Variants in NPHS2 observed in about 807,000 individuals in gnomAD.
NPHS2 encodes the protein podocin.
NPHS2 carries 36 observed loss-of-function variants against 37.1 expected under a neutral mutation model. That is an observed-to-expected ratio of 0.97 (90% CI 0.74 to 1.28). NPHS2 has a LOEUF of 1.28. Ranked by LOEUF, NPHS2 falls within the 50% of genes most tolerant of loss-of-function variation. NPHS2 has a pLI of 0.00. For synonymous variants in NPHS2, 196 were observed against 189.3 expected (o/e 1.04, Z -0.29); for missense variants, 447 against 488.1 (o/e 0.92, Z 0.79).
At chr1:179,567,051 C>CT (rs1558350485) in intron 1 of NPHS2, among the ~76,000 whole-genome samples, 1 of 152,046 alleles carries the variant, frequency 6.6e-6, no homozygotes, top group Admixed American at 6.6e-5. Flanking sequence ...AATGTGGGCT[C>CT]TTTTTTTGGT....
In NPHS2 at chr1:179,557,166, G is replaced by A. The variant is rs542500942; in HGVS notation, c.599C>T (p.Ala200Val). Residue 200 changes from alanine (A) to valine (V), a missense_variant, in exon 5 of 8, where the codon GCC becomes GTC. Transcript: ENST00000367615. The stretch of plus-strand genomic sequence containing the variant: ...AGCAAGACTGCTTAGGAGAAGAGAG[G>A]CATTTTCCATTCGGTAGTAGCAAAT... ...DAICYYRMEN[A>V]SLLLSSLAHV... The A allele has an allele frequency of 6.8e-6, 11 of 1,614,002 alleles. No individual in the cohort carries two copies. In the South Asian group the frequency reaches 1.1e-4, roughly 16 times the overall value.
chr1:179,566,308 C>T (rs1171360368), intron 1 of NPHS2, among the ~76,000 whole-genome samples: 1 of 152,256 alleles, frequency 6.6e-6, no homozygotes, highest in Non-Finnish European at 1.5e-5. Context: ...TTGCATTTCT[C>T]TGATGACCAG....
chr1:179,569,562 A>G (rs192068794), intron 1 of NPHS2, among the ~76,000 whole-genome samples: 2 of 152,206 alleles, frequency 1.3e-5, no homozygotes, highest in East Asian at 3.9e-4. Context: ...ATATTGTTAT[A>G]TGTGAATTTG....
Position 179,554,484 on chromosome 1 carries a change from T to A in NPHS2, c.786A>T (p.Arg262Ser). Residue 262 changes from arginine to serine, a missense_variant, in exon 6 of 8, where the codon AGA (arginine) becomes AGT (serine). Transcript: ENST00000367615. Reference sequence around the variant, plus strand: ...GTTAATTTCCTACCCACATTTCTATTCTCTCCACTTTGATTCCCCAAATAC... The same window carrying A: ...GTTAATTTCCTACCCACATTTCTATACTCTCCACTTTGATTCCCCAAATAC... ...VTCIWGIKVE[R>S]IEIKDVRLPA... 1 of 1,614,150 alleles carries A rather than the reference T, an allele frequency of 6.2e-7. No homozygotes were observed. The highest frequency in any genetic ancestry group is 8.5e-7 in the Non-Finnish European group (1 of 1,180,018).
chr1:179,575,814 G>A lies in NPHS2; in HGVS notation c.51C>T (p.Gly17=), dbSNP rs1674746831. The A allele has an allele frequency of 1.4e-6, 2 of 1,460,728 alleles. No individual in the cohort carries two copies. Among genetic ancestry groups the A allele is most frequent in the East Asian group, 2.7e-5 (1 of 37,484 alleles). The allele number at this position is 1,460,728 out of a possible 1,614,324, so 90.5% of individuals were successfully genotyped here. ...TCTTGTTCTCCTTGTGCGGAGTCCT[G>A]CCGCCTCGCCCGCGGGACTCCCTGG... ...SSSRESRGRG[G]RTPHKENKRA... is the part of the protein sequence containing the mutation. The change falls in exon 1 of 8, where the codon GGC becomes GGT. Residue 17 remains glycine (G), a synonymous_variant. Coordinates refer to ENST00000367615, the MANE Select transcript of NPHS2 (RefSeq NM_014625.4).
At chr1:179,571,400 C>T (rs980038909) in intron 1 of NPHS2, among the ~76,000 whole-genome samples, 1 of 152,206 alleles carries the variant, frequency 6.6e-6, no homozygotes, top group African/African-American at 2.4e-5. Flanking sequence ...GCGGAGGCTG[C>T]AGAACAGCAA....
At chr1:179,561,433 T>C (rs1674134571) in intron 2 of NPHS2, 72 bp from the exon 3 acceptor site, 1 of 1,144,412 alleles carries the variant, frequency 8.7e-7, no homozygotes, top group Non-Finnish European at 1.3e-6. Context: ...GGCATAAGAA[T>C]GATCCTAGAT....
At chr1:179,572,606 A>T (rs12021876) in intron 1 of NPHS2, among the ~76,000 whole-genome samples, 18,227 of 152,220 alleles carry the variant, frequency 0.12, 1,281 homozygotes, top group African/African-American at 0.17. Flanking sequence ...TTTAAATGTA[A>T]GAGTTATGAA....
chr1:179,559,530 G>A, intron 4 of NPHS2, 149 bp downstream of exon 4: 1 of 621,940 alleles, frequency 1.6e-6, no homozygotes, highest in Non-Finnish European at 3.0e-6. Flanking sequence ...TCTGTTAATT[G>A]TGTCCTTTGA....
chr1:179,554,598 G>T, intron 5 of NPHS2, 67 bp from the exon 6 acceptor site: 2 of 1,604,992 alleles, frequency 1.2e-6, no homozygotes, highest in Non-Finnish European at 1.7e-6. Context: ...CCTAAACCCT[G>T]GTGGCCATTG....
In NPHS2 at chr1:179,561,339, A is replaced by C; in HGVS notation, c.401T>G (p.Val134Gly). 2 of 1,611,000 alleles carry C rather than the reference A, an allele frequency of 1.2e-6. No homozygotes were observed. The highest frequency in any genetic ancestry group is 1.7e-6 in the Non-Finnish European group (2 of 1,177,340). The change falls in exon 3 of 8, where the codon GTA (valine) becomes GGA (glycine). Residue 134 changes from valine to glycine, a missense_variant. Val to Gly is a moderately radical substitution (Grantham distance 109). Transcript: ENST00000367615. ...CVKVVQEYERVIIFRLGHLLP... is the reference protein window; with the variant it reads ...CVKVVQEYERGIIFRLGHLLP... ...CAGATGTCCCAGTCGGAATATAATT[A>C]CTCTTTCATACTCTTGTACAACCTA...
In NPHS2 at chr1:179,575,822, GC is replaced by G; in HGVS notation, c.42del (p.Arg15GlufsTer84). On this transcript the variant is annotated frameshift_variant, in exon 1 of 8. Transcript: ENST00000367615. LOFTEE classifies it high-confidence loss of function. Reference sequence around the variant, plus strand: ...TCCTTGTGCGGAGTCCTGCCGCCTCGCCCGCGGGACTCCCTGGAGGAGCTCC... The same window carrying G: ...TCCTTGTGCGGAGTCCTGCCGCCTCGCCGCGGGACTCCCTGGAGGAGCTCC... Reference protein sequence around the residue: ...RARSSSRESRGRGGRTPHKEN... With the variant: ...RARSSSRESRXRGGRTPHKEN... 6.9e-7 allele frequency: 1 copy of G among 1,458,246 alleles called. No individual in the cohort carries two copies. 90.3% of individuals were successfully genotyped at this position (1,458,246 alleles called of 1,614,324 possible).
intron 5 of NPHS2, 28 bp from the exon 6 acceptor site, chr1:179,554,559 T>G: frequency 6.2e-7 from 1 of 1,614,124 alleles, no homozygotes; most frequent in Non-Finnish European, 8.5e-7. Flanking sequence ...CAGATGTCAG[T>G]GGGAGCCTCC....
chr1:179,563,155 A>C (rs946583567), intron 2 of NPHS2, among the ~76,000 whole-genome samples: 1 of 152,248 alleles, frequency 6.6e-6, no homozygotes, highest in Non-Finnish European at 1.5e-5. Context: ...CAGTAACTAA[A>C]GTAGAGCGGG....
At chr1:179,564,608 A>G in intron 2 of NPHS2, 82 bp downstream of exon 2, 1 of 1,173,776 alleles carries the variant, frequency 8.5e-7, no homozygotes, top group South Asian at 1.2e-5. Context: ...AACATGTACC[A>G]GAAAACAGAA....
intron 2 of NPHS2, among the ~76,000 whole-genome samples, 178 bp downstream of exon 2, chr1:179,564,512 T>C (rs1042539432): frequency 6.6e-6 from 1 of 152,194 alleles, no homozygotes; most frequent in Non-Finnish European, 1.5e-5. Context: ...CAAGGAAGGC[T>C]TCCTGTTCAC....
In NPHS2 at chr1:179,554,489, C is replaced by A. The variant is rs1673787968; in HGVS notation, c.781G>T (p.Glu261Ter). 6.2e-7 allele frequency: 1 copy of A among 1,614,016 alleles called. No individual in the cohort carries two copies. The highest frequency in any genetic ancestry group is 1.3e-5 in the African/African-American group (1 of 74,922). Residue 261 changes from glutamate (E) to a stop codon, truncating the protein, a stop_gained, in exon 6 of 8, where the codon GAG becomes TAG. Transcript: ENST00000367615. LOFTEE classifies it high-confidence loss of function. ...SVTCIWGIKV[E>*]RIEIKDVRLP... The stretch of plus-strand genomic sequence containing the variant: ...TTTCCTACCCACATTTCTATTCTCT[C>A]CACTTTGATTCCCCAAATACAGGTC...
At chr1:179,554,668 T>C (rs765830407) in intron 5 of NPHS2, 137 bp from the exon 6 acceptor site, 118 of 1,189,716 alleles carry the variant, frequency 9.9e-5, no homozygotes, top group Non-Finnish European at 1.4e-4. Flanking sequence ...TGTATTTAAC[T>C]TCACAGTGCC....
At chr1:179,559,225 G>C (rs1049537070) in intron 4 of NPHS2, among the ~76,000 whole-genome samples, 6 of 152,054 alleles carry the variant, frequency 3.9e-5, no homozygotes, top group African/African-American at 7.2e-5. Context: ...CCCACATTAG[G>C]GGAGGGTAAT....
Sources: gnomAD v4.1 joint callset for allele counts (sites outside exome capture counted in the v4.1 genomes callset) on GRCh38, gnomAD v4.1.1 for gene constraint, MANE v1.5 for transcripts, NCBI Gene and HGNC (gene_info 2026-07-23, HGNC 2026-07-21) for gene names.